GNAO1: variants seen among roughly 807,000 people sequenced by gnomAD.
GNAO1 encodes G protein subunit alpha o1.
For missense variants in GNAO1, 166 were observed against 478.7 expected (o/e 0.35, Z 6.10); for synonymous variants, 164 against 180.7 (o/e 0.91, Z 0.74).
intron 6 of GNAO1, chr16:56,347,141 T>A (rs2037877326): frequency 2.0e-6 from 2 of 985,438 alleles, no homozygotes; most frequent in Non-Finnish European, 2.4e-6. Flanking sequence ...TTCCTCCAAG[T>A]CAGCTAGTGG....
chr16:56,212,573 C>G (rs2143336779), intron 2 of GNAO1, among the ~76,000 whole-genome samples: 1 of 152,284 alleles, frequency 6.6e-6, no homozygotes, highest in Admixed American at 6.5e-5. Context: ...GTGTGTAGAG[C>G]AAGAATGAAT....
rs143977179 is a variant in GNAO1 at position 56,240,492 on chromosome 16, A to G, written c.162-35439A>G. Among the ~76,000 whole-genome samples the G allele has an allele frequency of 3.1e-3, 466 of 152,240 alleles. 5 individuals carry two copies. The highest frequency in any genetic ancestry group is 3.9e-3 in the Non-Finnish European group (263 of 68,004). ...TGGTTTTTGAACCATGGTGCTGTTTAATGCTTTTATTGAGTGGTGGGTCCC... is the reference window on the plus strand; with the variant it reads ...TGGTTTTTGAACCATGGTGCTGTTTGATGCTTTTATTGAGTGGTGGGTCCC... On this transcript the variant is annotated intron_variant, in intron 2 of 8. Coordinates refer to ENST00000262493, the MANE Select transcript of GNAO1 (RefSeq NM_020988.3).
chr16:56,341,502 G>C (rs1210560129), intron 6 of GNAO1, among the ~76,000 whole-genome samples: 1 of 152,252 alleles, frequency 6.6e-6, no homozygotes, highest in Non-Finnish European at 1.5e-5. Context: ...GGCACGCAGA[G>C]CTTCGCGTGG....
chr16:56,237,969 C>T (rs1282216477), intron 2 of GNAO1, among the ~76,000 whole-genome samples: 3 of 152,332 alleles, frequency 2.0e-5, no homozygotes, highest in Middle Eastern at 3.4e-3. Context: ...ACTTCGTTCT[C>T]CATCTTTCTC....
intron 2 of GNAO1, chr16:56,194,172 G>C (rs1244713935): frequency 2.2e-6 from 1 of 456,500 alleles, no homozygotes; most frequent in Non-Finnish European, 4.4e-6. Context: ...GCTCCCTGGG[G>C]CTTTCTTCGC....
intron 2 of GNAO1, among the ~76,000 whole-genome samples, chr16:56,241,348 C>G (rs2036692195): frequency 6.6e-6 from 1 of 152,198 alleles, no homozygotes; most frequent in Non-Finnish European, 1.5e-5. Context: ...CGATGCAGCA[C>G]TGACTGCACA....
At chr16:56,272,395 A>T (rs548353706) in intron 2 of GNAO1, among the ~76,000 whole-genome samples, 2 of 152,254 alleles carry the variant, frequency 1.3e-5, no homozygotes, top group African/African-American at 4.8e-5. Context: ...GTAGAAGGGG[A>T]TATAAAATTC....
chr16:56,263,202 G>C (rs1460258443), intron 2 of GNAO1, among the ~76,000 whole-genome samples: 4 of 152,226 alleles, frequency 2.6e-5, no homozygotes, highest in Non-Finnish European at 5.9e-5. Flanking sequence ...ATGAGTGGGG[G>C]ATGGTGGAGA....
intron 3 of GNAO1, among the ~76,000 whole-genome samples, chr16:56,300,116 G>A (rs1311005844): frequency 6.6e-6 from 1 of 151,756 alleles, no homozygotes; most frequent in Non-Finnish European, 1.5e-5. Flanking sequence ...TCCTGTGGGT[G>A]GTTTAGTGTG....
intron 3 of GNAO1, among the ~76,000 whole-genome samples, chr16:56,290,771 G>C (rs1728758948): frequency 6.6e-6 from 1 of 152,168 alleles, no homozygotes; most frequent in African/African-American, 2.4e-5. Flanking sequence ...ACCTCCAAAA[G>C]AAACCCTATA....
At chr16:56,242,221 AT>A (rs1419922392) in intron 2 of GNAO1, among the ~76,000 whole-genome samples, 5 of 152,242 alleles carry the variant, frequency 3.3e-5, no homozygotes, top group South Asian at 4.1e-4. Context: ...GATGAAAAAA[AT>A]GTTAATATTT....
At chr16:56,344,612 T>C in intron 6 of GNAO1, 1 of 985,868 alleles carries the variant, frequency 1.0e-6, no homozygotes, top group Non-Finnish European at 1.2e-6. Context: ...TTCTTGAGAC[T>C]GATTTATGGC....
intron 3 of GNAO1, among the ~76,000 whole-genome samples, chr16:56,312,441 G>T (rs183118233): frequency 1.2e-4 from 18 of 152,210 alleles, no homozygotes; most frequent in Non-Finnish European, 2.5e-4. Context: ...GTGGGTGTTT[G>T]TCTGTCTATC....
chr16:56,250,034 G>A (rs1406641691), intron 2 of GNAO1, among the ~76,000 whole-genome samples: 1 of 152,186 alleles, frequency 6.6e-6, no homozygotes, highest in African/African-American at 2.4e-5. Flanking sequence ...ATGGTGGATG[G>A]CTTGGCCACC....
At chr16:56,247,471 A>G (rs947018933) in intron 2 of GNAO1, among the ~76,000 whole-genome samples, 1 of 114,822 alleles carries the variant, frequency 8.7e-6, no homozygotes, top group African/African-American at 3.3e-5. Context: ...GCTACCTTTT[A>G]TTAGGGTGAG....
In GNAO1 at chr16:56,356,550, C is replaced by T. The variant is rs149176287; in HGVS notation, c.*476C>T. On this transcript the variant is annotated 3_prime_UTR_variant, in exon 9 of 9. Transcript: ENST00000262493. Reference sequence around the variant, plus strand: ...CCAGAAGGCCACAGGCCACTGCAAACCCTGCTGCCTGCCGGCCGCCCAGAC... The same window carrying T: ...CCAGAAGGCCACAGGCCACTGCAAATCCTGCTGCCTGCCGGCCGCCCAGAC... The T allele has an allele frequency of 6.5e-6, 1 of 152,880 alleles. No homozygotes were observed. Among genetic ancestry groups the T allele is most frequent in the African/African-American group, 2.4e-5 (1 of 41,590 alleles). 9.5% of individuals were successfully genotyped at this position (152,880 alleles called of 1,614,324 possible).
intron 3 of GNAO1, among the ~76,000 whole-genome samples, chr16:56,294,341 T>TAGAAAAAAA (rs1555505146): frequency 1.5e-5 from 2 of 133,640 alleles, no homozygotes. Flanking sequence ...GGCTTTGCTT[T>TAGAAAAAAA]AAAAAAAAAA....
chr16:56,269,494 A>C (rs143462525), intron 2 of GNAO1, among the ~76,000 whole-genome samples: 1 of 152,064 alleles, frequency 6.6e-6, no homozygotes, highest in African/African-American at 2.4e-5. Flanking sequence ...TGTGCTGGGC[A>C]CTCTACATGG....
chr16:56,254,299 AATTTT>A (rs1260567041), intron 2 of GNAO1, among the ~76,000 whole-genome samples: 2 of 152,118 alleles, frequency 1.3e-5, no homozygotes, highest in Admixed American at 6.6e-5. Flanking sequence ...TTCACACTAA[AATTTT>A]ATTTATTCCA....
Sources: gnomAD v4.1 joint callset for allele counts (sites outside exome capture counted in the v4.1 genomes callset) on GRCh38, gnomAD v4.1.1 for gene constraint, MANE v1.5 for transcripts, NCBI Gene and HGNC (gene_info 2026-07-23, HGNC 2026-07-21) for gene names.